MAML3: variants seen among roughly 807,000 people sequenced by gnomAD.
MAML3 encodes mastermind-like protein 3.
Under a neutral mutation model 101.9 loss-of-function variants are expected in MAML3, and 27 were observed. The ratio of observed to expected loss-of-function variants is 0.27; its 90% CI spans 0.20 to 0.37. MAML3 has a LOEUF of 0.37. Ranked by LOEUF, MAML3 falls within the 10% of genes least tolerant of loss-of-function variation. The pLI, the probability that MAML3 is intolerant of heterozygous loss-of-function variation, is 1.00. For synonymous variants in MAML3, 501 were observed against 555.9 expected, an observed-to-expected ratio of 0.90 and a Z score of 1.39; for missense variants, 1,316 against 1,444.9, an observed-to-expected ratio of 0.91 and a Z score of 1.45.
At chr4:139,772,652 T>C (rs1730019397) in intron 2 of MAML3, among the ~76,000 whole-genome samples, 1 of 151,902 alleles carries the variant, frequency 6.6e-6, no homozygotes, top group Non-Finnish European at 1.5e-5. Context: ...CAAAGTTATC[T>C]TAACATTATT....
chr4:140,015,014 A>C (rs1055016694), intron 1 of MAML3, among the ~76,000 whole-genome samples: 2 of 152,252 alleles, frequency 1.3e-5, no homozygotes, highest in African/African-American at 4.8e-5. Context: ...AATTCAAAAA[A>C]TTTAAAAAGT....
intron 1 of MAML3, among the ~76,000 whole-genome samples, chr4:140,144,136 C>T (rs1189109312): frequency 2.0e-5 from 3 of 152,090 alleles, no homozygotes; most frequent in African/African-American, 4.8e-5. Flanking sequence ...TCCTTCTACC[C>T]ACTTCTACCC....
In MAML3 at chr4:139,720,063, T is replaced by C. The variant is rs1487499740; in HGVS notation, c.2677A>G (p.Thr893Ala). Residue 893 changes from threonine (T) to alanine (A), a missense_variant, in exon 5 of 5, where the codon ACA becomes GCA. By Grantham distance (58) the Thr-to-Ala change is moderately conservative. Transcript: ENST00000509479. ...QHPNQSGMSI[T>A]HNQAQGPRQP... ...CTCGGTCCCTGGGCTTGGTTATGTGTGATGCTCATGCCACTTTGGTTTGGA... is the reference window on the plus strand; with the variant it reads ...CTCGGTCCCTGGGCTTGGTTATGTGCGATGCTCATGCCACTTTGGTTTGGA... 6.2e-7 allele frequency: 1 copy of C among 1,614,088 alleles called. No individual in the cohort carries two copies. The highest frequency in any genetic ancestry group is 8.5e-7 in the Non-Finnish European group (1 of 1,179,910).
At chr4:139,904,726 A>G (rs1732787632) in intron 1 of MAML3, among the ~76,000 whole-genome samples, 1 of 151,498 alleles carries the variant, frequency 6.6e-6, no homozygotes, top group Non-Finnish European at 1.5e-5. Flanking sequence ...CATTCTAAGA[A>G]ATGTGTTAAG....
chr4:139,833,868 C>T (rs530916897), intron 2 of MAML3, among the ~76,000 whole-genome samples: 2 of 152,014 alleles, frequency 1.3e-5, no homozygotes, highest in South Asian at 2.1e-4. Flanking sequence ...CCTTCTCACA[C>T]GGGAACCTGA....
intron 1 of MAML3, among the ~76,000 whole-genome samples, chr4:139,975,459 A>T (rs76050663): frequency 0.019 from 2,929 of 152,136 alleles, 122 homozygotes; most frequent in African/African-American, 0.066. Flanking sequence ...GCACACACAC[A>T]CACCCCATAT....
chr4:139,905,552 G>A (rs960274603), intron 1 of MAML3, among the ~76,000 whole-genome samples: 2 of 147,200 alleles, frequency 1.4e-5, no homozygotes, highest in African/African-American at 2.5e-5. Context: ...TAAAATATTC[G>A]AAGTGATCTG....
At chr4:139,928,310 G>T (rs1016347640) in intron 1 of MAML3, among the ~76,000 whole-genome samples, 15 of 152,154 alleles carry the variant, frequency 9.9e-5, no homozygotes, top group Non-Finnish European at 1.8e-4. Context: ...TATTAATTTG[G>T]CATGTACCAC....
At chr4:140,071,882 C>T (rs560247094) in intron 1 of MAML3, among the ~76,000 whole-genome samples, 4 of 151,992 alleles carry the variant, frequency 2.6e-5, no homozygotes, top group Non-Finnish European at 4.4e-5. Context: ...ATCAGAAAGT[C>T]CCTTGGGCAG....
intron 2 of MAML3, among the ~76,000 whole-genome samples, chr4:139,877,090 G>A (rs1732129311): frequency 6.6e-6 from 1 of 152,220 alleles, no homozygotes; most frequent in African/African-American, 2.4e-5. Flanking sequence ...TATTAGTTTG[G>A]ATATAATTTG....
At chr4:139,729,099 C>T (rs941565004) in intron 3 of MAML3, among the ~76,000 whole-genome samples, 4 of 130,236 alleles carry the variant, frequency 3.1e-5, no homozygotes, top group East Asian at 5.0e-4. Flanking sequence ...AGCTGCCAGG[C>T]GGCTGACTGA....
intron 2 of MAML3, among the ~76,000 whole-genome samples, chr4:139,887,101 C>T (rs954016189): frequency 1.3e-5 from 2 of 152,158 alleles, no homozygotes; most frequent in Non-Finnish European, 2.9e-5. Flanking sequence ...TTATATCGTA[C>T]CTGTAATTCG....
chr4:140,134,347 A>C (rs1416833589), intron 1 of MAML3: 2 of 456,768 alleles, frequency 4.4e-6, no homozygotes, highest in Admixed American at 4.7e-5. Context: ...CAAGTCAAGA[A>C]GAAAACAGAA....
At chr4:139,766,347 T>G (rs1397779434) in intron 2 of MAML3, among the ~76,000 whole-genome samples, 3 of 152,176 alleles carry the variant, frequency 2.0e-5, no homozygotes, top group African/African-American at 7.2e-5. Context: ...AATTTTCATA[T>G]TTTTAGTAGA....
At chr4:139,873,115 T>C (rs891015273) in intron 2 of MAML3, among the ~76,000 whole-genome samples, 6 of 151,698 alleles carry the variant, frequency 4.0e-5, no homozygotes, top group African/African-American at 1.5e-4. Context: ...AAATAAATAA[T>C]CACGCAGATA....
intron 1 of MAML3, among the ~76,000 whole-genome samples, chr4:140,015,897 C>T (rs909459495): frequency 6.6e-6 from 1 of 152,142 alleles, no homozygotes; most frequent in Non-Finnish European, 1.5e-5. Flanking sequence ...CAGTTGTAGT[C>T]AGCCCAGATT....
At chr4:139,978,666 C>T (rs555135267) in intron 1 of MAML3, among the ~76,000 whole-genome samples, 6 of 149,410 alleles carry the variant, frequency 4.0e-5, no homozygotes, top group Non-Finnish European at 7.4e-5. Context: ...TCACAACATT[C>T]TCTTCCTTCA....
intron 1 of MAML3, among the ~76,000 whole-genome samples, chr4:140,030,107 T>C (rs1726884721): frequency 6.6e-6 from 1 of 152,174 alleles, no homozygotes; most frequent in Non-Finnish European, 1.5e-5. Context: ...TTTCTCTGTG[T>C]CTTATTTCCC....
intron 1 of MAML3, among the ~76,000 whole-genome samples, chr4:140,016,643 T>C (rs1206538438): frequency 1.3e-5 from 2 of 152,174 alleles, no homozygotes; most frequent in Admixed American, 1.3e-4. Context: ...AATACAAATA[T>C]GTTCAATTTA....
Sources: gnomAD v4.1 joint callset for allele counts (sites outside exome capture counted in the v4.1 genomes callset) on GRCh38, gnomAD v4.1.1 for gene constraint, MANE v1.5 for transcripts, NCBI Gene and HGNC (gene_info 2026-07-23, HGNC 2026-07-21) for gene names.